The following ZFAND6 variants were observed in gnomAD, a reference collection of about 807,000 sequenced individuals.
The protein encoded by ZFAND6 is zinc finger AN1-type containing 6, also known as AN1-type zinc finger protein 6.
A neutral mutation model predicts 24.5 loss-of-function variants in ZFAND6; 12 were observed. The ratio of observed to expected loss-of-function variants is 0.49; its 90% CI spans 0.31 to 0.79. The LOEUF (loss-of-function observed/expected upper bound fraction) is 0.79. ZFAND6 is among the 30% of genes least tolerant of loss of function. ZFAND6 has a pLI of 0.04. For missense variants in ZFAND6, 207 were observed against 245.9 expected, an observed-to-expected ratio of 0.84 and a Z score of 1.06; for synonymous variants, 92 against 81.5, an observed-to-expected ratio of 1.13 and a Z score of -0.69.
At chr15:80,125,414 T>C (rs545073360) in intron 5 of ZFAND6, among the ~76,000 whole-genome samples, 45 of 152,182 alleles carry the variant, frequency 3.0e-4, no homozygotes, top group South Asian at 1.0e-3. Flanking sequence ...AAGCCAGAAG[T>C]TTGTAACATT....
At chr15:80,109,503 A>G (rs2039501004) in intron 2 of ZFAND6, among the ~76,000 whole-genome samples, 1 of 152,216 alleles carries the variant, frequency 6.6e-6, no homozygotes, top group African/African-American at 2.4e-5. Context: ...GGAAAGTAGA[A>G]GGAATAGCAA....
chr15:80,083,971 G>A (rs1035741225), intron 1 of ZFAND6, among the ~76,000 whole-genome samples: 4 of 152,266 alleles, frequency 2.6e-5, no homozygotes, highest in Admixed American at 2.6e-4. Flanking sequence ...GAAAACCTTT[G>A]AATTACTGAT....
chr15:80,068,975 A>G (rs1466892957), intron 1 of ZFAND6, among the ~76,000 whole-genome samples: 3 of 152,260 alleles, frequency 2.0e-5, no homozygotes, highest in Non-Finnish European at 2.9e-5. Context: ...ATGTTATTGC[A>G]TAGTTTACAG....
At chr15:80,133,352 C>A (rs774440924) in intron 6 of ZFAND6, among the ~76,000 whole-genome samples, 17 of 151,996 alleles carry the variant, frequency 1.1e-4, no homozygotes, top group Non-Finnish European at 2.1e-4. Flanking sequence ...GCCACCATGC[C>A]CGGCTAATTT....
chr15:80,086,072 C>T (rs868824834), intron 1 of ZFAND6, among the ~76,000 whole-genome samples: 2 of 152,296 alleles, frequency 1.3e-5, no homozygotes, highest in South Asian at 4.1e-4. Flanking sequence ...GTTTCAACCT[C>T]TTGTTGCCCA....
chr15:80,081,276 A>G (rs1237393562), intron 1 of ZFAND6, among the ~76,000 whole-genome samples: 1 of 152,208 alleles, frequency 6.6e-6, no homozygotes, highest in Admixed American at 6.5e-5. Flanking sequence ...GACTAGTTAC[A>G]CAGTCAGATG....
At chr15:80,127,317 G>T (rs2040408921) in intron 5 of ZFAND6, among the ~76,000 whole-genome samples, 2 of 152,030 alleles carry the variant, frequency 1.3e-5, no homozygotes, top group Non-Finnish European at 2.9e-5. Context: ...GCCGGGTGCG[G>T]TGGTTCACAT....
intron 1 of ZFAND6, among the ~76,000 whole-genome samples, chr15:80,088,756 T>A (rs1459583319): frequency 1.3e-5 from 2 of 152,260 alleles, no homozygotes; most frequent in African/African-American, 4.8e-5. Flanking sequence ...TTACGTGTGC[T>A]GTAGATCATT....
intron 2 of ZFAND6, among the ~76,000 whole-genome samples, chr15:80,101,438 G>C (rs969315427): frequency 6.6e-5 from 10 of 152,044 alleles, no homozygotes; most frequent in Non-Finnish European, 1.2e-4. Flanking sequence ...ACTCCAGCCT[G>C]GGCGACAAGG....
At chr15:80,062,389 A>AT (rs2036383250) in intron 1 of ZFAND6, among the ~76,000 whole-genome samples, 2 of 152,210 alleles carry the variant, frequency 1.3e-5, no homozygotes, top group Non-Finnish European at 2.9e-5. Flanking sequence ...TTAACTCCAT[A>AT]TTTAAATATG....
chr15:80,060,437 C>T (rs912526203), intron 1 of ZFAND6: 1 of 152,066 alleles, frequency 6.6e-6, no homozygotes, highest in Non-Finnish European at 1.5e-5. Context: ...GTTTTAGCTA[C>T]CTAAAAAAGT....
chr15:80,093,278 T>C (rs2038502544), intron 1 of ZFAND6, among the ~76,000 whole-genome samples: 1 of 152,112 alleles, frequency 6.6e-6, no homozygotes, highest in South Asian at 2.1e-4. Flanking sequence ...ACTTTCTTTT[T>C]TTTAAATATA....
intron 1 of ZFAND6, among the ~76,000 whole-genome samples, chr15:80,097,738 A>G (rs1447204184): frequency 6.6e-6 from 1 of 152,206 alleles, no homozygotes; most frequent in Non-Finnish European, 1.5e-5. Context: ...CATATTTGCT[A>G]ATGGGATGGA....
intron 1 of ZFAND6, among the ~76,000 whole-genome samples, chr15:80,065,283 G>T (rs1274094845): frequency 1.3e-5 from 2 of 150,534 alleles, no homozygotes; most frequent in Admixed American, 6.6e-5. Context: ...ACAACTTGTT[G>T]CCTTGAAATA....
chr15:80,136,348 C>T (rs1320880142), intron 6 of ZFAND6, among the ~76,000 whole-genome samples: 5 of 152,004 alleles, frequency 3.3e-5, no homozygotes, highest in African/African-American at 1.2e-4. Flanking sequence ...ACCTGTAATC[C>T]CAGCTACTCG....
rs146059192 is a variant in ZFAND6, at chr15:80,108,404, C to T, written c.-18+9826C>T. On this transcript the variant is annotated intron_variant, in intron 2 of 6. Transcript: ENST00000261749. ...AGGGAATAAAAAGCCATAGATAGAT[C>T]GATCAATCTGTGGTAATCGTGAGAA... 1.2e-3 allele frequency among the ~76,000 whole-genome samples: 188 copies of T among 152,158 alleles called. 1 individual carries two copies. In the East Asian group the frequency reaches 0.019, roughly 15 times the overall value.
At chr15:80,109,315 A>G (rs1055474402) in intron 2 of ZFAND6, among the ~76,000 whole-genome samples, 6 of 152,186 alleles carry the variant, frequency 3.9e-5, no homozygotes, top group African/African-American at 1.4e-4. Flanking sequence ...ACATTTTAGC[A>G]AAGGGGAGAC....
chr15:80,132,993 G>A (rs939395425), intron 6 of ZFAND6, among the ~76,000 whole-genome samples: 2 of 150,668 alleles, frequency 1.3e-5, no homozygotes, highest in Admixed American at 6.6e-5. Flanking sequence ...TATGCCAGCA[G>A]GCACAACAAC....
At chr15:80,064,249 A>G (rs1315301811) in intron 1 of ZFAND6, among the ~76,000 whole-genome samples, 1 of 152,198 alleles carries the variant, frequency 6.6e-6, no homozygotes, top group African/African-American at 2.4e-5. Context: ...TTTCATAAAT[A>G]TTGCCAAATT....
Sources: gnomAD v4.1 joint callset for allele counts (sites outside exome capture counted in the v4.1 genomes callset) on GRCh38, gnomAD v4.1.1 for gene constraint, MANE v1.5 for transcripts, NCBI Gene and HGNC (gene_info 2026-07-23, HGNC 2026-07-21) for gene names.